Variants in SHB observed in about 807,000 individuals in gnomAD.
SHB encodes SH2 domain containing adaptor protein B, also known as SH2 domain-containing adapter protein B.
Under a neutral mutation model 52.3 loss-of-function variants are expected in SHB, and 20 were observed. That is an observed-to-expected ratio of 0.38 (90% confidence interval 0.27 to 0.56). The LOEUF (loss-of-function observed/expected upper bound fraction) is 0.56, where lower values mean the gene tolerates loss of function less well. Among genes scored for constraint, SHB ranks in the 20% least tolerant of loss-of-function variants. The pLI, the probability that SHB is intolerant of heterozygous loss-of-function variation, is 0.71. For missense variants in SHB, 825 were observed against 723.3 expected (o/e 1.14, Z -1.61); for synonymous variants, 397 against 316.5 (o/e 1.25, Z -2.70).
chr9:38,059,052 G>A (rs928225902), intron 1 of SHB, among the ~76,000 whole-genome samples: 74 of 152,148 alleles, frequency 4.9e-4, no homozygotes, highest in Non-Finnish European at 5.3e-4. Flanking sequence ...CTTTGTTCAT[G>A]GCTCTATTCC....
chr9:37,994,536 T>A (rs1820924135), intron 2 of SHB, among the ~76,000 whole-genome samples: 1 of 152,240 alleles, frequency 6.6e-6, no homozygotes, highest in African/African-American at 2.4e-5. Flanking sequence ...GCCTATGCCC[T>A]CTGGGGAGCG....
intron 5 of SHB, among the ~76,000 whole-genome samples, chr9:37,942,008 A>G (rs72724190): frequency 0.066 from 10,122 of 152,224 alleles, 442 homozygotes; most frequent in South Asian, 0.11. Context: ...ACTAAGATTA[A>G]TCACTTGCCT....
chr9:37,971,984 G>A lies in SHB; in HGVS notation c.1054+2638C>T, dbSNP rs117694076. On this transcript the variant is annotated intron_variant, in intron 3 of 5. Transcript: ENST00000377707. ...GATTCTGACTCATAGGCCTGGGATG[G>A]GACCTGAGACCCTGCATTTCTAACC... Among the ~76,000 whole-genome samples the A allele has an allele frequency of 7.6e-3, 1,153 of 152,236 alleles. 7 individuals carry two copies. Among genetic ancestry groups the A allele is most frequent in the Non-Finnish European group, 0.013 (874 of 67,998 alleles).
intron 5 of SHB, 41 bp from the exon 6 acceptor site, chr9:37,920,045 C>CA: frequency 6.5e-7 from 1 of 1,542,438 alleles, no homozygotes; most frequent in Non-Finnish European, 8.9e-7. Context: ...ACCCCCCTGA[C>CA]ACTCAGGCTG....
At chr9:38,054,486 C>T (rs1314661014) in intron 1 of SHB, among the ~76,000 whole-genome samples, 2 of 152,208 alleles carry the variant, frequency 1.3e-5, no homozygotes, top group Non-Finnish European at 2.9e-5. Context: ...ACTCACCCAC[C>T]GGGAACCTGC....
chr9:38,050,004 T>G (rs914554858), intron 1 of SHB, among the ~76,000 whole-genome samples: 1 of 152,188 alleles, frequency 6.6e-6, no homozygotes, highest in Non-Finnish European at 1.5e-5. Flanking sequence ...TTGGTCAGGT[T>G]GGTCTCGAAC....
intron 2 of SHB, among the ~76,000 whole-genome samples, chr9:38,014,327 G>A (rs1821182821): frequency 6.6e-6 from 1 of 152,262 alleles, no homozygotes. Context: ...CAGAGCTGTA[G>A]GGAGGTGCAG....
intron 5 of SHB, among the ~76,000 whole-genome samples, chr9:37,931,039 G>T (rs1475042259): frequency 6.6e-6 from 1 of 152,076 alleles, no homozygotes; most frequent in East Asian, 1.9e-4. Flanking sequence ...TCAATAAATG[G>T]TGCTAATAAA....
chr9:38,014,996 T>C (rs1477065329), intron 2 of SHB, among the ~76,000 whole-genome samples: 2 of 151,954 alleles, frequency 1.3e-5, no homozygotes, highest in Non-Finnish European at 2.9e-5. Context: ...AGACAAACAA[T>C]AAGAGGGCCA....
intron 1 of SHB, among the ~76,000 whole-genome samples, chr9:38,016,834 G>C (rs1272516891): frequency 1.3e-5 from 2 of 152,226 alleles, no homozygotes; most frequent in African/African-American, 4.8e-5. Context: ...GGCTTGGCCA[G>C]ATCTTCTGCC....
At chr9:38,014,524 C>T (rs1172838616) in intron 2 of SHB, among the ~76,000 whole-genome samples, 1 of 152,262 alleles carries the variant, frequency 6.6e-6, no homozygotes, top group Non-Finnish European at 1.5e-5. Context: ...GGACAGCAGG[C>T]TGCCTTCCCT....
chr9:37,964,939 A>G (rs993258968), intron 3 of SHB, among the ~76,000 whole-genome samples: 1 of 152,100 alleles, frequency 6.6e-6, no homozygotes, highest in Non-Finnish European at 1.5e-5. Context: ...CCCATCTGTA[A>G]AACATACCTG....
Position 38,068,594 on chromosome 9 carries a change from T to C in SHB, c.52A>G (p.Ser18Gly). ...YFSLGNSKTK[S>G]PPQPPRPDYR... ...TCTGGCCGCGGCGGCTGCGGGGGGC[T>C]CTTGGTCTTGCTGTTGCCCAAGCTG... The change falls in exon 1 of 6, where the codon AGC becomes GGC. Residue 18 changes from serine to glycine, a missense_variant. Physicochemically the swap from Ser to Gly is moderately conservative, Grantham distance 56. Transcript: ENST00000377707. The C allele has an allele frequency of 6.7e-7, 1 of 1,491,660 alleles. No homozygotes were observed. Among genetic ancestry groups the C allele is most frequent in the Non-Finnish European group, 8.8e-7 (1 of 1,132,416 alleles). 92.4% of individuals were successfully genotyped at this position (1,491,660 alleles called of 1,614,324 possible). A position where few individuals can be genotyped will look rare whatever the true frequency, so the allele number is the denominator to read the frequency against.
chr9:38,037,520 G>C (rs1191053194), intron 1 of SHB, among the ~76,000 whole-genome samples: 2 of 152,180 alleles, frequency 1.3e-5, no homozygotes, highest in Admixed American at 6.5e-5. Context: ...GTGAAATGTG[G>C]GTTGAAATCC....
intron 5 of SHB, among the ~76,000 whole-genome samples, chr9:37,936,939 G>A (rs1449076984): frequency 6.6e-6 from 1 of 152,160 alleles, no homozygotes; most frequent in Non-Finnish European, 1.5e-5. Context: ...AAATGTCCTT[G>A]TTGCTTAAAT....
chr9:37,960,553 G>C (rs1319275774), intron 3 of SHB, among the ~76,000 whole-genome samples: 2 of 152,202 alleles, frequency 1.3e-5, no homozygotes, highest in African/African-American at 2.4e-5. Context: ...CCAGACCCTG[G>C]TGGTTGATGG....
At chr9:37,970,066 A>C (rs1404872047) in intron 3 of SHB, among the ~76,000 whole-genome samples, 2 of 152,200 alleles carry the variant, frequency 1.3e-5, no homozygotes, top group Non-Finnish European at 2.9e-5. Context: ...GATGGAAGCC[A>C]CATCACTTCC....
At chr9:38,030,557 T>C (rs560814855) in intron 1 of SHB, among the ~76,000 whole-genome samples, 5 of 152,192 alleles carry the variant, frequency 3.3e-5, no homozygotes, top group Non-Finnish European at 5.9e-5. Context: ...TAAATGCCAG[T>C]ATATCAGGGA....
Position 37,982,972 on chromosome 9 carries a change from T to TGCCC in SHB, c.839-8139_839-8136dup, listed in dbSNP as rs988953187. The stretch of plus-strand genomic sequence containing the variant: ...CAAGGAAATCAGCAGGCCTCTCTGG[T>TGCCC]GCCCCCCCCTCCATCTTTTCCAGCT... On this transcript the variant is annotated intron_variant, in intron 2 of 5. Transcript: ENST00000377707. Among the ~76,000 whole-genome samples the TGCCC allele has an allele frequency of 1.2e-4, 11 of 95,450 alleles. 1 individual carries two copies. Among genetic ancestry groups the TGCCC allele is most frequent in the Admixed American group, 5.0e-4 (5 of 9,982 alleles). 62.6% of individuals were successfully genotyped at this position (95,450 alleles called of 152,430 possible).
Sources: allele counts gnomAD v4.1 joint callset (sites outside exome capture counted in the v4.1 genomes callset), GRCh38; gene constraint gnomAD v4.1.1; transcripts MANE v1.5; gene names NCBI Gene and HGNC (gene_info 2026-07-23, HGNC 2026-07-21).